CD96: variants seen among roughly 807,000 people sequenced by gnomAD.
The protein encoded by CD96 is CD96 molecule.
Under a neutral mutation model 71.3 loss-of-function variants are expected in CD96, and 70 were observed. The observed-to-expected ratio is 0.98, with a 90% CI of 0.81 to 1.20. CD96 has a LOEUF of 1.20. Among genes scored for constraint, CD96 ranks in the 50% most tolerant of loss-of-function variants. The pLI is 0.00. For synonymous variants in CD96, 248 were observed against 233.0 expected, an observed-to-expected ratio of 1.06 and a Z score of -0.59; for missense variants, 742 against 677.5, an observed-to-expected ratio of 1.10 and a Z score of -1.06.
At chr3:111,598,049 T>A in intron 5 of CD96, 71 bp from the exon 6 acceptor site, 1 of 758,332 alleles carries the variant, frequency 1.3e-6, no homozygotes, top group Admixed American at 1.8e-5. Context: ...CTTATATGAA[T>A]GTTAGTAAGT....
chr3:111,622,231 C>A (rs751164548), intron 8 of CD96, among the ~76,000 whole-genome samples: 2 of 152,182 alleles, frequency 1.3e-5, no homozygotes, highest in East Asian at 1.9e-4. Context: ...GATCAACTTT[C>A]TTCCAGAAAG....
chr3:111,640,002 C>T (rs1221959987), intron 12 of CD96, among the ~76,000 whole-genome samples: 3 of 152,152 alleles, frequency 2.0e-5, no homozygotes, highest in Admixed American at 2.0e-4. Context: ...CTAGACCTTC[C>T]CTCTGACAGA....
At chr3:111,608,658 T>C (rs1356493118) in intron 8 of CD96, among the ~76,000 whole-genome samples, 2 of 152,170 alleles carry the variant, frequency 1.3e-5, no homozygotes, top group African/African-American at 2.4e-5. Context: ...TTAGACACCA[T>C]TTTTTCTCCA....
At chr3:111,593,472 G>C (rs1031585606) in intron 5 of CD96, 1 of 1,482,044 alleles carries the variant, frequency 6.7e-7, no homozygotes, top group African/African-American at 1.4e-5. Flanking sequence ...CTTTACATTT[G>C]AGTTGAAACT....
rs144818474 is a variant in CD96, at chr3:111,574,196, G to A, written c.544-4831G>A. Among the ~76,000 whole-genome samples, 41 of 152,322 alleles carry A rather than the reference G, an allele frequency of 2.7e-4. 1 individual carries two copies. In the East Asian group the frequency reaches 6.6e-3, roughly 24 times the overall value. ...GCTCTGACATGGAGCTGGTTTCAAG[G>A]AGCTCAGGATAGCTCAGAGATGAAA... On this transcript the variant is annotated intron_variant, in intron 3 of 13. Coordinates refer to ENST00000352690, the MANE Select transcript of CD96 (RefSeq NM_005816.5).
chr3:111,646,551 AAAG>A (rs528654418), intron 12 of CD96, among the ~76,000 whole-genome samples: 256 of 152,062 alleles, frequency 1.7e-3, no homozygotes, highest in Non-Finnish European at 3.1e-3. Flanking sequence ...AAAAAAAAAA[AAAG>A]AAGAAGAAAC....
At chr3:111,600,021 G>C (rs775922498) in intron 6 of CD96, among the ~76,000 whole-genome samples, 2 of 152,266 alleles carry the variant, frequency 1.3e-5, no homozygotes, top group African/African-American at 2.4e-5. Flanking sequence ...GTTTAAAACA[G>C]AGTTTGATTT....
At chr3:111,574,986 G>A (rs1267457339) in intron 3 of CD96, among the ~76,000 whole-genome samples, 1 of 151,296 alleles carries the variant, frequency 6.6e-6, no homozygotes, top group Non-Finnish European at 1.5e-5. Flanking sequence ...TAAAGACAGG[G>A]TTTCACCATG....
intron 5 of CD96, among the ~76,000 whole-genome samples, chr3:111,591,808 C>T (rs1937002675): frequency 6.6e-6 from 1 of 152,148 alleles, no homozygotes; most frequent in African/African-American, 2.4e-5. Context: ...TTCAGTGTGG[C>T]CTGGTTATTT....
chr3:111,628,877 G>T (rs1240048555), intron 10 of CD96, among the ~76,000 whole-genome samples: 1 of 152,128 alleles, frequency 6.6e-6, no homozygotes, highest in Non-Finnish European at 1.5e-5. Flanking sequence ...ACATAAAAAA[G>T]AATTTTCAAC....
At chr3:111,639,065 A>G (rs1239180270) in intron 12 of CD96, among the ~76,000 whole-genome samples, 1 of 152,148 alleles carries the variant, frequency 6.6e-6, no homozygotes, top group African/African-American at 2.4e-5. Context: ...CTAGATTGCA[A>G]CTCTGCAGCA....
chr3:111,657,225 C>G (rs1304388625), downstream of CD96, among the ~76,000 whole-genome samples: 7 of 152,052 alleles, frequency 4.6e-5, no homozygotes, highest in Admixed American at 2.0e-4. Flanking sequence ...TGAGACCAGC[C>G]TGGCCAACAT....
intron 7 of CD96, among the ~76,000 whole-genome samples, chr3:111,602,215 A>T (rs1489844068): frequency 6.6e-6 from 1 of 152,216 alleles, no homozygotes; most frequent in South Asian, 2.1e-4. Context: ...AAAGGACCCT[A>T]AAAGCTCAAA....
At chr3:111,617,206 G>T (rs373124730) in intron 8 of CD96, among the ~76,000 whole-genome samples, 40 of 152,362 alleles carry the variant, frequency 2.6e-4, no homozygotes, top group African/African-American at 8.4e-4. Context: ...GCTATGGAAG[G>T]CATGATGACA....
chr3:111,614,258 CTGAT>C (rs904562143), intron 8 of CD96, among the ~76,000 whole-genome samples: 3 of 152,150 alleles, frequency 2.0e-5, no homozygotes, highest in African/African-American at 7.2e-5. Context: ...GGGAATGTCT[CTGAT>C]TCCCTGACTT....
At chr3:111,625,219 T>C (rs1349741338) in intron 10 of CD96, among the ~76,000 whole-genome samples, 1 of 152,206 alleles carries the variant, frequency 6.6e-6, no homozygotes, top group African/African-American at 2.4e-5. Context: ...AAAAAGAACA[T>C]GAATAGGACT....
At chr3:111,660,202 G>A (rs988123299) in intron 14 of CD96, among the ~76,000 whole-genome samples, 2 of 152,170 alleles carry the variant, frequency 1.3e-5, no homozygotes, top group South Asian at 4.1e-4. Flanking sequence ...TAAATCAGTA[G>A]CATTTCTATG....
intron 1 of CD96, 21 bp from the exon 2 acceptor site, chr3:111,545,025 G>A (rs1324304545): frequency 1.3e-6 from 2 of 1,578,482 alleles, no homozygotes; most frequent in African/African-American, 1.3e-5. Flanking sequence ...TAAACTCATG[G>A]CTCATGTTCT....
At chr3:111,656,902 C>T (rs184276323), downstream of CD96, among the ~76,000 whole-genome samples, 544 of 151,738 alleles carry the variant, frequency 3.6e-3, 6 homozygotes, top group African/African-American at 0.012. Flanking sequence ...AAGAGTGTGA[C>T]GGATATATGG....
Sources: allele counts gnomAD v4.1 joint callset (sites outside exome capture counted in the v4.1 genomes callset), GRCh38; gene constraint gnomAD v4.1.1; transcripts MANE v1.5; gene names NCBI Gene and HGNC (gene_info 2026-07-23, HGNC 2026-07-21).